Variants in KCNJ3 observed in about 807,000 individuals in gnomAD.
The protein encoded by KCNJ3 is G protein-activated inward rectifier potassium channel 1.
KCNJ3 carries 4 observed loss-of-function variants against 39.2 expected under a neutral mutation model. The observed-to-expected ratio is 0.10, with a 90% CI of 0.05 to 0.23. KCNJ3 has a LOEUF of 0.23. KCNJ3 is among the 10% of genes least tolerant of loss of function. The pLI is 1.00. For missense variants in KCNJ3, 276 were observed against 634.9 expected, an observed-to-expected ratio of 0.43 and a Z score of 6.08; for synonymous variants, 230 against 237.4, an observed-to-expected ratio of 0.97 and a Z score of 0.29.
At chr2:154,760,005 C>T (rs1409707482) in intron 2 of KCNJ3, among the ~76,000 whole-genome samples, 1 of 149,872 alleles carries the variant, frequency 6.7e-6, no homozygotes, top group Non-Finnish European at 1.5e-5. Flanking sequence ...TAAAGAAGTA[C>T]TGAGTGGTAG....
chr2:154,831,073 A>G (rs939887495), intron 2 of KCNJ3, among the ~76,000 whole-genome samples: 3 of 152,148 alleles, frequency 2.0e-5, no homozygotes, highest in African/African-American at 7.2e-5. Context: ...GTCTTTTACT[A>G]CAGCTTCTCA....
chr2:154,767,202 A>G (rs1369869123), intron 2 of KCNJ3, among the ~76,000 whole-genome samples: 1 of 151,506 alleles, frequency 6.6e-6, no homozygotes, highest in Non-Finnish European at 1.5e-5. Flanking sequence ...TTTTAAAATT[A>G]TACTTTAAGT....
chr2:154,843,555 C>A (rs1290960250), intron 2 of KCNJ3, among the ~76,000 whole-genome samples: 3 of 152,142 alleles, frequency 2.0e-5, no homozygotes, highest in Non-Finnish European at 4.4e-5. Context: ...TCCATTCTCC[C>A]CATCACTTTC....
chr2:154,798,974 AGTGT>A (rs1383316198), intron 2 of KCNJ3, among the ~76,000 whole-genome samples: 1 of 150,992 alleles, frequency 6.6e-6, no homozygotes, highest in Non-Finnish European at 1.5e-5. Context: ...TGTGGTGTGT[AGTGT>A]GTGTGGTGTG....
chr2:154,763,575 T>C (rs1012822797), intron 2 of KCNJ3, among the ~76,000 whole-genome samples: 1 of 152,136 alleles, frequency 6.6e-6, no homozygotes, highest in Non-Finnish European at 1.5e-5. Flanking sequence ...TTCAGGGTCT[T>C]CCCAGCAGCT....
intron 2 of KCNJ3, among the ~76,000 whole-genome samples, chr2:154,798,215 C>T (rs1686754250): frequency 8.2e-6 from 1 of 121,986 alleles, no homozygotes; most frequent in Non-Finnish European, 1.8e-5. Context: ...CACACACACA[C>T]ACACACGCAC....
intron 2 of KCNJ3, among the ~76,000 whole-genome samples, chr2:154,853,082 C>T (rs1478834768): frequency 1.3e-5 from 2 of 151,338 alleles, no homozygotes; most frequent in Non-Finnish European, 2.9e-5. Context: ...GCACTAAATT[C>T]CTTATCTTTA....
At chr2:154,736,404 A>AAAAAAAAAAAAAAC (rs1457733240) in intron 2 of KCNJ3, among the ~76,000 whole-genome samples, 1 of 110,398 alleles carries the variant, frequency 9.1e-6, no homozygotes, top group East Asian at 2.4e-4. Flanking sequence ...AAAAAAAAAA[A>AAAAAAAAAAAAAAC]AAAAAAAAAA....
At chr2:154,843,879 G>A (rs548271087) in intron 2 of KCNJ3, among the ~76,000 whole-genome samples, 2 of 151,954 alleles carry the variant, frequency 1.3e-5, no homozygotes, top group East Asian at 1.9e-4. Context: ...CCTTGCTATG[G>A]GTTCTAACAT....
At chr2:154,789,809 A>G (rs1686595579) in intron 2 of KCNJ3, among the ~76,000 whole-genome samples, 1 of 152,088 alleles carries the variant, frequency 6.6e-6, no homozygotes, top group Non-Finnish European at 1.5e-5. Context: ...ATTAAAACAT[A>G]AATAGGTCTA....
At chr2:154,770,892 CT>C (rs35293315) in intron 2 of KCNJ3, among the ~76,000 whole-genome samples, 11,837 of 127,438 alleles carry the variant, frequency 0.093, 455 homozygotes, top group East Asian at 0.19. Context: ...TTTTCTTTTT[CT>C]TTTTTTTTTT....
chr2:154,832,532 C>T lies in KCNJ3; in HGVS notation c.920-22195C>T, dbSNP rs193120940. Among the ~76,000 whole-genome samples the T allele has an allele frequency of 6.2e-4, 94 of 152,234 alleles. 1 individual carries two copies. Among genetic ancestry groups the T allele is most frequent in the African/African-American group, 2.1e-3 (89 of 41,564 alleles). ...CACTTTATAGTAAGCTCTGCTTGTT[C>T]CACCATTTGTTAGATATTTTATATA... On this transcript the variant is annotated intron_variant, in intron 2 of 2. Coordinates refer to ENST00000295101, the MANE Select transcript of KCNJ3 (RefSeq NM_002239.4).
rs183409831 is a variant in KCNJ3 at position 154,752,693 on chromosome 2, G to T, written c.919+42874G>T. Among the ~76,000 whole-genome samples, 13 of 152,106 alleles carry T rather than the reference G, an allele frequency of 8.5e-5. No individual in the cohort carries two copies. In the East Asian group the frequency reaches 2.1e-3, roughly 25 times the overall value. ...ACAATTTGTAAGATTCTATGTGAGT[G>T]TTCATACTTCTCTATCCTTGATATC... is the stretch of plus-strand genomic sequence containing the variant. On this transcript the variant is annotated intron_variant, in intron 2 of 2. Coordinates refer to ENST00000295101, the MANE Select transcript of KCNJ3 (RefSeq NM_002239.4).
Position 154,716,423 on chromosome 2 carries a change from C to T in KCNJ3, c.919+6604C>T, listed in dbSNP as rs191266605. Among the ~76,000 whole-genome samples, 59 of 151,804 alleles carry T rather than the reference C, an allele frequency of 3.9e-4. 1 individual carries two copies. The highest frequency in any genetic ancestry group is 1.4e-3 in the African/African-American group (57 of 41,390). ...TACAGGCATGAGCCACCACGCCTAG[C>T]CCATTATTTTTTTTCTTTGATTATT... On this transcript the variant is annotated intron_variant, in intron 2 of 2. Coordinates refer to ENST00000295101, the MANE Select transcript of KCNJ3 (RefSeq NM_002239.4).
At chr2:154,838,864 T>G (rs1029910710) in intron 2 of KCNJ3, among the ~76,000 whole-genome samples, 14 of 152,210 alleles carry the variant, frequency 9.2e-5, no homozygotes, top group African/African-American at 3.1e-4. Flanking sequence ...TTCTTCTCTA[T>G]GCTAGTGATA....
intron 2 of KCNJ3, among the ~76,000 whole-genome samples, chr2:154,825,541 A>ATTATTTAC (rs956090881): frequency 3.5e-5 from 5 of 144,112 alleles, no homozygotes; most frequent in African/African-American, 1.3e-4. Flanking sequence ...AACTCATGAA[A>ATTATTTAC]TTATTTATTT....
intron 2 of KCNJ3, among the ~76,000 whole-genome samples, chr2:154,850,485 C>T (rs923932069): frequency 6.6e-6 from 1 of 152,108 alleles, no homozygotes; most frequent in Non-Finnish European, 1.5e-5. Context: ...GAAGTACTCT[C>T]TCAATTATAT....
intron 2 of KCNJ3, among the ~76,000 whole-genome samples, chr2:154,732,391 TGG>T (rs540235672): frequency 6.6e-6 from 1 of 152,242 alleles, no homozygotes; most frequent in Middle Eastern, 3.4e-3. Flanking sequence ...TCTTACCCAT[TGG>T]TGTTTGGATA....
intron 2 of KCNJ3, among the ~76,000 whole-genome samples, chr2:154,826,763 T>A (rs1574476861): frequency 9.5e-6 from 1 of 104,798 alleles, no homozygotes; most frequent in Non-Finnish European, 2.3e-5. Context: ...TTGTTACACA[T>A]GTTTAGATCA....
Sources: allele counts gnomAD v4.1 joint callset (sites outside exome capture counted in the v4.1 genomes callset), GRCh38; gene constraint gnomAD v4.1.1; transcripts MANE v1.5; gene names NCBI Gene and HGNC (gene_info 2026-07-23, HGNC 2026-07-21).